The following BMP1 variants were observed in gnomAD, a reference collection of about 807,000 sequenced individuals.
The protein encoded by BMP1 is bone morphogenetic protein 1, also known as mammalian tolloid protein.
A neutral mutation model predicts 116.8 loss-of-function variants in BMP1; 63 were observed. The ratio of observed to expected loss-of-function variants is 0.54; its 90% CI spans 0.44 to 0.67. BMP1 has a LOEUF of 0.67. Ranked by LOEUF, BMP1 falls within the 30% of genes least tolerant of loss-of-function variation. The pLI is 0.00. For missense variants in BMP1, 1,183 were observed against 1,358.9 expected, an observed-to-expected ratio of 0.87 and a Z score of 2.04; for synonymous variants, 536 against 533.4, an observed-to-expected ratio of 1.00 and a Z score of -0.07.
Position 22,194,195 on chromosome 8 carries a change from C to T in BMP1, c.1297+21C>T, listed in dbSNP as rs200043574. The T allele has an allele frequency of 2.6e-4, 410 of 1,605,040 alleles. 1 individual carries two copies. The African/African-American group carries it at 4.3e-3, about 17-fold the overall frequency. On this transcript the variant is annotated intron_variant, in intron 10 of 19. Transcript: ENST00000306385. This position sits in a 1 kb window ranked among gnomAD's most constrained non-coding sequence, Gnocchi z 4.5. ...CGAAGGTACTGAGGAAGGCGGCGGG[C>T]GGGAGGAGTCAGATAGGAGGTCTCT...
chr8:22,209,471 G>A lies in BMP1; in HGVS notation c.2602G>A (p.Val868Met), dbSNP rs565676939. The A allele has an allele frequency of 2.6e-5, 42 of 1,614,084 alleles. No individual in the cohort carries two copies. Among genetic ancestry groups the A allele is most frequent in the Middle Eastern group, 1.6e-4 (1 of 6,084 alleles). The change falls in exon 19 of 20, where the codon GTG becomes ATG. Residue 868 changes from valine to methionine, a missense_variant. By Grantham distance (21) the Val-to-Met change is conservative. Transcript: ENST00000306385. ...GTGCGGGGGCCAGGTACGGGCAGACGTGAAGACCAAGGACCTTTACTCCCA... is the reference window on the plus strand; with the variant it reads ...GTGCGGGGGCCAGGTACGGGCAGACATGAAGACCAAGGACCTTTACTCCCA... ...TECGGQVRAD[V>M]KTKDLYSHAQ...
intron 8 of BMP1, among the ~76,000 whole-genome samples, chr8:22,190,517 C>T (rs976971191): frequency 5.9e-5 from 9 of 152,238 alleles, no homozygotes; most frequent in Non-Finnish European, 1.3e-4. Flanking sequence ...TATGGAGGGG[C>T]AGACAATTTT....
intron 15 of BMP1, chr8:22,201,136 A>G: frequency 6.3e-7 from 1 of 1,596,552 alleles, no homozygotes; most frequent in Non-Finnish European, 8.5e-7. Flanking sequence ...CCAGCTCTGC[A>G]GCCCCCTCGG....
intron 8 of BMP1, among the ~76,000 whole-genome samples, chr8:22,186,743 C>T (rs1013713430): frequency 2.2e-4 from 33 of 152,192 alleles, no homozygotes; most frequent in African/African-American, 7.9e-4. Flanking sequence ...GGATTACAGG[C>T]GTGAGCCCCC....
intron 15 of BMP1, chr8:22,201,073 A>G (rs1256997266): frequency 1.4e-6 from 1 of 704,732 alleles, no homozygotes. Flanking sequence ...CCTGCCCTCC[A>G]CCCCCACCCC....
chr8:22,195,626 C>G (rs1356923061), intron 13 of BMP1, 39 bp downstream of exon 13: 5 of 1,579,218 alleles, frequency 3.2e-6, no homozygotes, highest in Non-Finnish European at 4.3e-6. Context: ...TGTTCTTTCC[C>G]TGGCACCAGC....
rs781010518 is a variant in BMP1 at position 22,177,942 on chromosome 8, G to C, written c.821G>C (p.Arg274Pro). The change falls in exon 6 of 20, where the codon CGG (arginine) becomes CCG (proline). Residue 274 changes from arginine to proline, a missense_variant. Around this residue, in one of 4 missense-constraint regions of BMP1, gnomAD observed 956 missense variants for 1,135.2 expected, o/e 0.84. Transcript: ENST00000306385. ...TTCGACAGCATCATGCATTACGCTC[G>C]GAACACATTCTCCAGGTGGGAGACG... ...YDFDSIMHYA[R>P]NTFSRGIFLD... is the part of the protein sequence containing the mutation. 2.5e-6 allele frequency: 4 copies of C among 1,611,316 alleles called. No homozygotes were observed. The highest frequency in any genetic ancestry group is 2.5e-6 in the Non-Finnish European group (3 of 1,177,850).
chr8:22,195,343 G>T lies in BMP1; in HGVS notation c.1640-119G>T, dbSNP rs552265570. 466 of 1,302,728 alleles carry T rather than the reference G, an allele frequency of 3.6e-4. 2 individuals are homozygous for T. In the African/African-American group the frequency reaches 6.1e-3, roughly 17 times the overall value. 80.7% of individuals were successfully genotyped at this position (1,302,728 alleles called of 1,614,324 possible). ...CATGTGCTCTGAAGGAAGGCTCTGT[G>T]GGGTTCCAGCCATCGGGGAGCTGGG... On this transcript the variant is annotated intron_variant, in intron 12 of 19. Transcript: ENST00000306385.
At chr8:22,183,953 G>C (rs551286156) in intron 8 of BMP1, among the ~76,000 whole-genome samples, 1 of 152,250 alleles carries the variant, frequency 6.6e-6, no homozygotes, top group African/African-American at 2.4e-5. Context: ...CATTATCCCT[G>C]TTTTGGATAT....
chr8:22,206,966 G>C lies in BMP1; in HGVS notation c.2346G>C (p.Gly782=), dbSNP rs375591647. Residue 782 remains glycine, a synonymous_variant, in exon 17 of 20, where the codon GGG becomes GGC. Transcript: ENST00000306385. ...CGTGGGCCATCTCCAGCACCCCCGGGCACCGGGTCAAGCTGGTAAGGGGTC... is the reference window on the plus strand; with the variant it reads ...CGTGGGCCATCTCCAGCACCCCCGGCCACCGGGTCAAGCTGGTAAGGGGTC... ...ECTWAISSTP[G]HRVKLTFMEM... is the part of the protein sequence containing the mutation. 1 of 1,614,142 alleles carries C rather than the reference G, an allele frequency of 6.2e-7. No homozygotes were observed. Among genetic ancestry groups the C allele is most frequent in the Admixed American group, 1.7e-5 (1 of 60,018 alleles).
rs776332793 is a variant in BMP1 at position 22,201,818 on chromosome 8, C to T, written c.2123C>T (p.Ser708Phe). The part of the protein sequence containing the change: ...AHFFSDKDEC[S>F]KDNGGCQQDC... ...TCCCCTGCAGACAAGGACGAGTGCT[C>T]CAAGGATAACGGCGGCTGCCAGCAG... The change falls in exon 16 of 20, where the codon TCC becomes TTC. Residue 708 changes from serine to phenylalanine, a missense_variant. Around this residue, in one of 4 missense-constraint regions of BMP1, gnomAD observed 956 missense variants for 1,135.2 expected, o/e 0.84. Transcript: ENST00000306385. The T allele has an allele frequency of 6.2e-7, 1 of 1,613,838 alleles. No individual in the cohort carries two copies. The highest frequency in any genetic ancestry group is 1.1e-5 in the South Asian group (1 of 91,064).
intron 15 of BMP1, among the ~76,000 whole-genome samples, chr8:22,199,681 C>T (rs61105246): frequency 0.12 from 17,978 of 152,198 alleles, 1,152 homozygotes; most frequent in East Asian, 0.19. Context: ...TAAGCTGGGC[C>T]CCCCAAAGCT....
At chr8:22,178,567 A>G (rs1193096070) in intron 6 of BMP1, among the ~76,000 whole-genome samples, 1 of 114,654 alleles carries the variant, frequency 8.7e-6, no homozygotes, top group Non-Finnish European at 1.6e-5. Context: ...CGAGCCACCA[A>G]TGCCCAGCCA....
In BMP1 at chr8:22,187,592, G is replaced by T. The variant is rs539547985; in HGVS notation, c.1078-4457G>T. 2.8e-3 allele frequency among the ~76,000 whole-genome samples: 398 copies of T among 141,630 alleles called. 3 individuals are homozygous for T. The highest frequency in any genetic ancestry group is 0.01 in the African/African-American group (384 of 37,494). The allele number at this position is 141,630 out of a possible 152,430, so 92.9% of individuals were successfully genotyped here. A position where few individuals can be genotyped will look rare whatever the true frequency, so the allele number is the denominator to read the frequency against. ...TCTCGATCTCCTGACCTCATGATAC[G>T]CCCACCTCAGCCTCCCAAAGTGCTG... On this transcript the variant is annotated intron_variant, in intron 8 of 19. Coordinates refer to ENST00000306385, the MANE Select transcript of BMP1 (RefSeq NM_006129.5).
At chr8:22,201,519 A>G (rs1469041827) in intron 15 of BMP1, 15 of 1,400,674 alleles carry the variant, frequency 1.1e-5, no homozygotes, top group Non-Finnish European at 1.3e-5. Flanking sequence ...CCACTTGTCC[A>G]TCTGTCCAGT....
In BMP1 at chr8:22,211,717, A is replaced by G; in HGVS notation, c.2950A>G (p.Ser984Gly). The G allele has an allele frequency of 6.2e-7, 1 of 1,614,190 alleles. No homozygotes were observed. Among genetic ancestry groups the G allele is most frequent in the Non-Finnish European group, 8.5e-7 (1 of 1,180,014 alleles). ...TSTKFQDTLHSRK is the reference protein window; with the variant it reads ...TSTKFQDTLHGRK ...CACCAAGTTCCAGGACACACTCCAC[A>G]GCAGGAAGTGACCACTGCCTGAGCA... The change falls in exon 20 of 20, where the codon AGC becomes GGC. Residue 984 changes from serine to glycine, a missense_variant. Physicochemically the swap from Ser to Gly is moderately conservative, Grantham distance 56. Transcript: ENST00000306385.
At chr8:22,180,111 C>A (rs1363849560) in intron 7 of BMP1, among the ~76,000 whole-genome samples, 2 of 152,050 alleles carry the variant, frequency 1.3e-5, no homozygotes, top group African/African-American at 4.8e-5. Context: ...GGAGCCCCAC[C>A]AAGGGAGCTT....
At chr8:22,186,132 G>A (rs192774938) in intron 8 of BMP1, among the ~76,000 whole-genome samples, 69 of 152,076 alleles carry the variant, frequency 4.5e-4, no homozygotes, top group Non-Finnish European at 7.1e-4. Context: ...CACCACGCCC[G>A]GCCCAACCCA....
intron 8 of BMP1, among the ~76,000 whole-genome samples, chr8:22,186,462 G>C (rs1410560648): frequency 6.6e-6 from 1 of 151,970 alleles, no homozygotes; most frequent in Non-Finnish European, 1.5e-5. Flanking sequence ...TTGTTTCCCC[G>C]TCTATCTATA....
Sources: allele counts gnomAD v4.1 joint callset (sites outside exome capture counted in the v4.1 genomes callset), GRCh38; gene constraint gnomAD v4.1.1; regional missense constraint gnomAD v4.1.1; non-coding constraint Gnocchi (gnomAD v3.1); transcripts MANE v1.5; gene names NCBI Gene and HGNC (gene_info 2026-07-23, HGNC 2026-07-21).